Variants in ULK2 observed in about 807,000 individuals in gnomAD.
The protein encoded by ULK2 is serine/threonine-protein kinase ULK2.
ULK2 carries 76 observed loss-of-function variants against 127.5 expected under a neutral mutation model. The ratio of observed to expected loss-of-function variants is 0.60; its 90% confidence interval spans 0.50 to 0.72. The LOEUF is 0.72. ULK2 is among the 30% of genes least tolerant of loss of function. ULK2 has a pLI of 0.00. For synonymous variants in ULK2, 452 were observed against 461.9 expected (o/e 0.98, Z 0.28); for missense variants, 1,144 against 1,295.9 (o/e 0.88, Z 1.80).
At position 19,783,777 on chromosome 17, in the gene ULK2, G is replaced by A. The variant is rs746465190; in HGVS notation, c.2380C>T (p.Pro794Ser). The change falls in exon 22 of 27, where the codon CCT becomes TCT. Residue 794 changes from proline (P) to serine (S), a missense_variant. This residue lies in a region of ULK2 where 913 missense variants were observed against 970.5 expected (regional missense o/e 0.94). Transcript: ENST00000395544. The stretch of plus-strand genomic sequence containing the variant: ...AGGCTGGGGGGTGAAGCACCGTAAG[G>A]CACGTATCTCAGGCTGGGAGCTGCC... ...AEAAPSLRYV[P>S]YGASPPSLEG... The A allele has an allele frequency of 1.9e-6, 3 of 1,602,718 alleles. No individual in the cohort carries two copies. The highest frequency in any genetic ancestry group is 4.5e-5 in the East Asian group (2 of 44,298).
At chr17:19,787,480 A>C (rs866358912) in intron 20 of ULK2, among the ~76,000 whole-genome samples, 2 of 152,236 alleles carry the variant, frequency 1.3e-5, no homozygotes, top group Non-Finnish European at 2.9e-5. Flanking sequence ...AAGAACATAA[A>C]GGAGTCAGAT....
intron 21 of ULK2, chr17:19,784,115 ACAT>A: frequency 5.0e-6 from 2 of 400,866 alleles, no homozygotes; most frequent in East Asian, 7.5e-5. Context: ...TTTATATTAG[ACAT>A]CATCAGAGCT....
chr17:19,846,785 A>G lies in ULK2; in HGVS notation c.421T>C (p.Tyr141His). The G allele has an allele frequency of 1.9e-6, 3 of 1,613,608 alleles. No homozygotes were observed. The highest frequency in any genetic ancestry group is 2.5e-6 in the Non-Finnish European group (3 of 1,179,802). ...ACACTTGATTTTCTGCGATTGGCAT[A>G]GGACAGCAAGATGTTCTGTGGTTTG... ...DLKPQNILLSYANRRKSSVSG... is the reference protein window; with the variant it reads ...DLKPQNILLSHANRRKSSVSG... The change falls in exon 6 of 27, where the codon TAT (tyrosine) becomes CAT (histidine). Residue 141 changes from tyrosine to histidine, a missense_variant. By Grantham distance (83) the Tyr-to-His change is moderately conservative. Coordinates refer to ENST00000395544, the MANE Select transcript of ULK2 (RefSeq NM_014683.4).
At chr17:19,834,653 TATA>T (rs745893660) in intron 10 of ULK2, among the ~76,000 whole-genome samples, 2 of 152,146 alleles carry the variant, frequency 1.3e-5, no homozygotes, top group Non-Finnish European at 2.9e-5. Context: ...GGCTGACACC[TATA>T]ATTCCAGCAC....
At chr17:19,814,351 CTAAGT>C (rs1269931107) in intron 13 of ULK2, among the ~76,000 whole-genome samples, 2 of 139,584 alleles carry the variant, frequency 1.4e-5, no homozygotes, top group African/African-American at 5.4e-5. Flanking sequence ...TTGTAGATAT[CTAAGT>C]TTTTAGTTAG....
In ULK2 at chr17:19,853,157, C is replaced by T. The variant is rs2042054363; in HGVS notation, c.226-3383G>A. 2.1e-5 allele frequency among the ~76,000 whole-genome samples: 3 copies of T among 144,448 alleles called. No individual in the cohort carries two copies. In the Admixed American group the frequency reaches 2.1e-4, roughly 10 times the overall value. The allele number at this position is 144,448 out of a possible 152,430, so 94.8% of individuals were successfully genotyped here. A position where few individuals can be genotyped will look rare whatever the true frequency, so the allele number is the denominator to read the frequency against. ...TTTTTAATTTTTTTTTTTTTTGAGA[C>T]AAGGTCCCGCTCTATTACCCAGGCT... is the stretch of plus-strand genomic sequence containing the variant. On this transcript the variant is annotated intron_variant, in intron 3 of 26. Coordinates refer to ENST00000395544, the MANE Select transcript of ULK2 (RefSeq NM_014683.4).
chr17:19,804,245 A>AG (rs2087463878), intron 15 of ULK2, among the ~76,000 whole-genome samples: 2 of 151,390 alleles, frequency 1.3e-5, no homozygotes, highest in Admixed American at 1.3e-4. Flanking sequence ...AGAAAAAAAA[A>AG]AAGAATAATC....
chr17:19,817,384 GA>G (rs2041017654), intron 12 of ULK2, among the ~76,000 whole-genome samples: 1 of 152,158 alleles, frequency 6.6e-6, no homozygotes, highest in Admixed American at 6.5e-5. Context: ...AGGAAACCAA[GA>G]GACCACATTA....
intron 17 of ULK2, among the ~76,000 whole-genome samples, chr17:19,798,594 G>A (rs1275373857): frequency 6.6e-6 from 1 of 152,128 alleles, no homozygotes. Flanking sequence ...TTCCAAACCT[G>A]ATATTTAATT....
chr17:19,799,160 C>CA (rs899604997), intron 17 of ULK2, among the ~76,000 whole-genome samples: 1,693 of 68,412 alleles, frequency 0.025, 42 homozygotes, highest in East Asian at 0.15. Context: ...GACTCCATTT[C>CA]AAAAAAAAAA....
chr17:19,784,810 A>C (rs2086994306), intron 21 of ULK2, among the ~76,000 whole-genome samples: 1 of 151,850 alleles, frequency 6.6e-6, no homozygotes. Flanking sequence ...ACAGGCATGA[A>C]CCACCATGCC....
chr17:19,850,581 C>CT (rs2041991419), intron 3 of ULK2, among the ~76,000 whole-genome samples: 1 of 152,156 alleles, frequency 6.6e-6, no homozygotes, highest in Non-Finnish European at 1.5e-5. Flanking sequence ...AATCCCAGCA[C>CT]TTTGGGAGGC....
chr17:19,785,544 C>CA (rs1277026269), intron 21 of ULK2, among the ~76,000 whole-genome samples: 21 of 138,774 alleles, frequency 1.5e-4, no homozygotes, highest in East Asian at 4.0e-4. Context: ...AAAAAAAAAC[C>CA]AAAAAAAAAC....
At chr17:19,794,378 G>A (rs1367976720) in intron 20 of ULK2, among the ~76,000 whole-genome samples, 1 of 152,018 alleles carries the variant, frequency 6.6e-6, no homozygotes, top group Admixed American at 6.6e-5. Context: ...AGTAATGGCT[G>A]AAAAACTTCC....
intron 26 of ULK2, 125 bp downstream of exon 26, chr17:19,777,456 G>T (rs1429378634): frequency 1.9e-6 from 2 of 1,079,344 alleles, no homozygotes; most frequent in Non-Finnish European, 2.6e-6. Context: ...GCTGTGATTT[G>T]CACAAGGCTG....
chr17:19,842,518 A>G (rs2041790219), intron 8 of ULK2, among the ~76,000 whole-genome samples: 1 of 151,942 alleles, frequency 6.6e-6, no homozygotes, highest in Admixed American at 6.6e-5. Context: ...TCTTAATACT[A>G]TCTCGGGCAA....
intron 12 of ULK2, among the ~76,000 whole-genome samples, chr17:19,820,049 A>ATTTTTTTT (rs199698459): frequency 2.0e-5 from 1 of 49,020 alleles, no homozygotes. Flanking sequence ...CTGCAACTTT[A>ATTTTTTTT]TTTATTTTTT....
intron 15 of ULK2, among the ~76,000 whole-genome samples, chr17:19,803,724 T>C (rs943099647): frequency 6.6e-6 from 1 of 152,208 alleles, no homozygotes; most frequent in African/African-American, 2.4e-5. Context: ...TCCTAATAAA[T>C]TAGTTCATTA....
intron 12 of ULK2, among the ~76,000 whole-genome samples, chr17:19,819,272 T>A (rs2041077056): frequency 6.6e-6 from 1 of 152,242 alleles, no homozygotes; most frequent in East Asian, 1.9e-4. Context: ...GTACTTGAAC[T>A]TTTTGCTCCA....
Sources: allele counts gnomAD v4.1 joint callset (sites outside exome capture counted in the v4.1 genomes callset), GRCh38; gene constraint gnomAD v4.1.1; regional missense constraint gnomAD v4.1.1; transcripts MANE v1.5; gene names NCBI Gene and HGNC (gene_info 2026-07-23, HGNC 2026-07-21).